Variants in FBXO36 observed in about 807,000 individuals in gnomAD.
The protein encoded by FBXO36 is F-box only protein 36.
In FBXO36, 18 loss-of-function variants were observed where a neutral mutation model predicts 17.0. The observed-to-expected ratio is 1.06, with a 90% CI of 0.73 to 1.57. The LOEUF is 1.57. Among genes scored for constraint, FBXO36 ranks in the 40% most tolerant of loss-of-function variants. FBXO36 has a pLI of 0.00. For missense variants in FBXO36, 229 were observed against 221.9 expected, an observed-to-expected ratio of 1.03 and a Z score of -0.20; for synonymous variants, 83 against 85.3, an observed-to-expected ratio of 0.97 and a Z score of 0.15.
chr2:229,965,327 G>A (rs1189419443), intron 1 of FBXO36, among the ~76,000 whole-genome samples: 3 of 149,596 alleles, frequency 2.0e-5, no homozygotes, highest in Non-Finnish European at 3.0e-5. Flanking sequence ...CGTGAGGCAT[G>A]AATGAATTTT....
chr2:229,955,964 G>A (rs765869637), intron 1 of FBXO36, among the ~76,000 whole-genome samples: 1 of 152,148 alleles, frequency 6.6e-6, no homozygotes, highest in Non-Finnish European at 1.5e-5. Context: ...CTTGCATCTT[G>A]CTTTATTCAT....
At chr2:229,924,854 C>T (rs1359000355) in intron 1 of FBXO36, among the ~76,000 whole-genome samples, 1 of 151,894 alleles carries the variant, frequency 6.6e-6, no homozygotes, top group Non-Finnish European at 1.5e-5. Context: ...CTGCAAGCTC[C>T]GCCTCCTGGG....
At chr2:229,924,180 T>C (rs1478098405) in intron 1 of FBXO36, among the ~76,000 whole-genome samples, 3 of 151,994 alleles carry the variant, frequency 2.0e-5, no homozygotes, top group Non-Finnish European at 2.9e-5. Context: ...AACCTCCGCA[T>C]CTCCTGGGTT....
At chr2:229,989,872 T>G (rs1174021145) in intron 2 of FBXO36, among the ~76,000 whole-genome samples, 1 of 151,934 alleles carries the variant, frequency 6.6e-6, no homozygotes, top group East Asian at 1.9e-4. Flanking sequence ...CGCACCCGGC[T>G]CATGATGTAT....
At chr2:229,960,743 C>T (rs1192974713) in intron 1 of FBXO36, among the ~76,000 whole-genome samples, 1 of 152,204 alleles carries the variant, frequency 6.6e-6, no homozygotes, top group Non-Finnish European at 1.5e-5. Context: ...CCTCAAGCCA[C>T]CCCAAAGTGT....
At chr2:229,969,885 G>T (rs994869663) in intron 1 of FBXO36, among the ~76,000 whole-genome samples, 5 of 151,964 alleles carry the variant, frequency 3.3e-5, no homozygotes, top group Non-Finnish European at 7.4e-5. Context: ...ACATTAAGAG[G>T]TATTTCACCG....
rs866632659 is a variant in FBXO36, at chr2:229,938,128, C to T, written c.96+15519C>T. Among the ~76,000 whole-genome samples the T allele has an allele frequency of 1.1e-4, 17 of 151,682 alleles. No individual in the cohort carries two copies. The South Asian group carries it at 2.1e-3, about 19-fold the overall frequency. Reference sequence around the variant, plus strand: ...GATTACAGGCACCTGCTATCATGCCCGGCTAATTTTTTGTATTTTTTGTAG... The same window carrying T: ...GATTACAGGCACCTGCTATCATGCCTGGCTAATTTTTTGTATTTTTTGTAG... On this transcript the variant is annotated intron_variant, in intron 1 of 3. Coordinates refer to ENST00000283946, the MANE Select transcript of FBXO36 (RefSeq NM_174899.5).
rs73105485 is a variant in FBXO36 at position 230,006,902 on chromosome 2, C to A, written c.379-3794C>A. Among the ~76,000 whole-genome samples the A allele has an allele frequency of 5.5e-3, 830 of 152,224 alleles. 8 individuals carry two copies. The highest frequency in any genetic ancestry group is 0.019 in the African/African-American group (790 of 41,530). On this transcript the variant is annotated intron_variant, in intron 3 of 3. Coordinates refer to ENST00000283946, the MANE Select transcript of FBXO36 (RefSeq NM_174899.5). The stretch of plus-strand genomic sequence containing the variant: ...TGAAAGGCACCCCAGCCCAGGGAGT[C>A]CATGGTGCTATTCCACAGTTGAGGA...
At chr2:229,995,034 A>T (rs972231091) in intron 2 of FBXO36, among the ~76,000 whole-genome samples, 1 of 152,036 alleles carries the variant, frequency 6.6e-6, no homozygotes, top group Non-Finnish European at 1.5e-5. Context: ...GAATTGCTTG[A>T]ACCCAGGGGG....
intron 2 of FBXO36, among the ~76,000 whole-genome samples, chr2:229,993,934 TC>T (rs1481065894): frequency 3.3e-5 from 5 of 151,808 alleles, no homozygotes; most frequent in Admixed American, 6.6e-5. Context: ...TTTTTTTTTT[TC>T]TTTTTGTTTT....
intron 3 of FBXO36, among the ~76,000 whole-genome samples, chr2:230,003,690 A>G (rs1275405846): frequency 6.6e-6 from 1 of 151,918 alleles, no homozygotes; most frequent in African/African-American, 2.4e-5. Context: ...GTGCCACCAC[A>G]CCCGGCTAAT....
chr2:229,975,026 G>T (rs562220651), intron 1 of FBXO36, among the ~76,000 whole-genome samples: 253 of 152,180 alleles, frequency 1.7e-3, no homozygotes, highest in African/African-American at 5.7e-3. Flanking sequence ...TCCATTACAG[G>T]TTTAAAAACA....
At chr2:229,979,570 A>C (rs1029408268) in intron 2 of FBXO36, among the ~76,000 whole-genome samples, 1 of 152,030 alleles carries the variant, frequency 6.6e-6, no homozygotes, top group Non-Finnish European at 1.5e-5. Flanking sequence ...ACCTGAGGTC[A>C]GGTGTTTGAG....
At position 229,966,287 on chromosome 2, in the gene FBXO36, T is replaced by C. The variant is rs1438991003; in HGVS notation, c.97-9954T>C. Among the ~76,000 whole-genome samples the C allele has an allele frequency of 9.2e-5, 14 of 152,346 alleles. No homozygotes were observed. In the East Asian group the frequency reaches 2.7e-3, roughly 29 times the overall value. ...GTAGATTCTGGATATTAGCCCTTTG[T>C]CAGATGAGTAGATTGCAAAAATTTT... is the stretch of plus-strand genomic sequence containing the variant. On this transcript the variant is annotated intron_variant, in intron 1 of 3. Coordinates refer to ENST00000283946, the MANE Select transcript of FBXO36 (RefSeq NM_174899.5).
At chr2:229,935,509 G>A (rs754218272) in intron 1 of FBXO36, among the ~76,000 whole-genome samples, 136 of 152,108 alleles carry the variant, frequency 8.9e-4, no homozygotes, top group Non-Finnish European at 1.6e-3. Context: ...GCAAAACTCC[G>A]TCTCAAATAA....
intron 2 of FBXO36, among the ~76,000 whole-genome samples, chr2:229,992,934 C>T (rs1221494538): frequency 6.6e-6 from 1 of 152,130 alleles, no homozygotes; most frequent in Non-Finnish European, 1.5e-5. Context: ...GTCTCATGGA[C>T]CTCTCCATAG....
chr2:230,000,688 A>G (rs1453132311), intron 3 of FBXO36, among the ~76,000 whole-genome samples: 1 of 152,050 alleles, frequency 6.6e-6, no homozygotes, highest in Admixed American at 6.6e-5. Flanking sequence ...ATTTCAGTGC[A>G]GTCTTGAAAA....
intron 1 of FBXO36, among the ~76,000 whole-genome samples, chr2:229,930,874 C>T (rs894343537): frequency 2.6e-5 from 4 of 152,168 alleles, no homozygotes; most frequent in Admixed American, 6.5e-5. Context: ...GTCATTTACC[C>T]CCTCACTGCT....
intron 3 of FBXO36, among the ~76,000 whole-genome samples, chr2:230,002,382 ATT>A (rs200392268): frequency 6.8e-6 from 1 of 146,012 alleles, no homozygotes; most frequent in Non-Finnish European, 1.5e-5. Flanking sequence ...CCGTACGTTA[ATT>A]TTTTTTTTTT....
Sources: allele counts gnomAD v4.1 joint callset (sites outside exome capture counted in the v4.1 genomes callset), GRCh38; gene constraint gnomAD v4.1.1; transcripts MANE v1.5; gene names NCBI Gene and HGNC (gene_info 2026-07-23, HGNC 2026-07-21).